Variants in RASA1 observed in about 807,000 individuals in gnomAD.
RASA1 encodes RAS p21 protein activator 1.
Under a neutral mutation model 132.2 loss-of-function variants are expected in RASA1, and 25 were observed. The ratio of observed to expected loss-of-function variants is 0.19; its 90% CI spans 0.14 to 0.26. The LOEUF (loss-of-function observed/expected upper bound fraction) is 0.26. Ranked by LOEUF, RASA1 falls within the 10% of genes least tolerant of loss-of-function variation. RASA1 has a pLI of 1.00. For missense variants in RASA1, 964 were observed against 1,299.2 expected (o/e 0.74, Z 3.97); for synonymous variants, 477 against 449.9 (o/e 1.06, Z -0.76).
intron 1 of RASA1, among the ~76,000 whole-genome samples, chr5:87,280,906 C>G (rs1039346654): frequency 6.6e-6 from 1 of 151,888 alleles, no homozygotes; most frequent in African/African-American, 2.4e-5. Context: ...CCGGCGCCTG[C>G]CACCACGCCT....
chr5:87,283,148 G>GT (rs200461511), intron 1 of RASA1, among the ~76,000 whole-genome samples: 17,304 of 103,182 alleles, frequency 0.17, 1,481 homozygotes, highest in East Asian at 0.44. Context: ...TTTTTTTTGT[G>GT]TTTTTTTTTT....
At chr5:87,285,805 G>A (rs575049199) in intron 1 of RASA1, among the ~76,000 whole-genome samples, 1 of 151,662 alleles carries the variant, frequency 6.6e-6, no homozygotes, top group Middle Eastern at 3.4e-3. Flanking sequence ...TTTTAATAGA[G>A]ATGGGATTTC....
intron 11 of RASA1, among the ~76,000 whole-genome samples, chr5:87,367,403 TAGA>T (rs1201633871): frequency 3.3e-5 from 5 of 152,228 alleles, no homozygotes; most frequent in African/African-American, 4.8e-5. Context: ...CTTTAGCATT[TAGA>T]AGAAGACTAA....
At chr5:87,275,595 G>A (rs908718700) in intron 1 of RASA1, among the ~76,000 whole-genome samples, 1 of 150,066 alleles carries the variant, frequency 6.7e-6, no homozygotes, top group Non-Finnish European at 1.5e-5. Context: ...TTTCCCCCCT[G>A]AGATGGAGTC....
At chr5:87,340,433 G>T (rs1319244954) in intron 5 of RASA1, among the ~76,000 whole-genome samples, 1 of 150,992 alleles carries the variant, frequency 6.6e-6, no homozygotes, top group Non-Finnish European at 1.5e-5. Flanking sequence ...TTTTTTTTAA[G>T]CCTACTCCCT....
chr5:87,360,802 G>A (rs1167820802), intron 9 of RASA1, among the ~76,000 whole-genome samples: 1 of 152,132 alleles, frequency 6.6e-6, no homozygotes, highest in Non-Finnish European at 1.5e-5. Context: ...CTGCCATCAT[G>A]ATAAGAGTCT....
chr5:87,272,959 C>G (rs1435513530), intron 1 of RASA1, among the ~76,000 whole-genome samples: 2 of 152,130 alleles, frequency 1.3e-5, no homozygotes, highest in East Asian at 3.9e-4. Context: ...GGACTAAATA[C>G]TGACTATGAG....
intron 1 of RASA1, among the ~76,000 whole-genome samples, chr5:87,313,300 T>C (rs1362713074): frequency 6.6e-6 from 1 of 152,164 alleles, no homozygotes; most frequent in Non-Finnish European, 1.5e-5. Context: ...CCTGGAGGTA[T>C]AGGTATTCCT....
intron 1 of RASA1, among the ~76,000 whole-genome samples, chr5:87,275,657 G>A (rs1036425500): frequency 4.6e-5 from 7 of 151,692 alleles, no homozygotes; most frequent in African/African-American, 1.5e-4. Context: ...TGCAACCTCC[G>A]CCTTCCGGGT....
rs1491365794 is a variant in RASA1 at position 87,338,533 on chromosome 5, A to ATATATAT, written c.1017+442_1017+443insTATATAT. Among the ~76,000 whole-genome samples the ATATATAT allele has an allele frequency of 7.9e-3, 724 of 91,108 alleles. 26 individuals are homozygous for ATATATAT. The highest frequency in any genetic ancestry group is 0.01 in the South Asian group (30 of 2,926). 59.8% of individuals were successfully genotyped at this position (91,108 alleles called of 152,430 possible). ...TATATATATATATATATATATATAT[A>ATATATAT]AAATTTTTTTTTTTTTTAAGTAGAA... is the stretch of plus-strand genomic sequence containing the variant. On this transcript the variant is annotated intron_variant, in intron 5 of 24. Transcript: ENST00000274376.
intron 1 of RASA1, among the ~76,000 whole-genome samples, chr5:87,289,230 A>G (rs143680650): frequency 0.011 from 1,627 of 152,294 alleles, 10 homozygotes; most frequent in Middle Eastern, 0.017. Context: ...TGGCAGAGAT[A>G]TGCCATAGGT....
chr5:87,374,797 T>C (rs1239574699), intron 14 of RASA1, 43 bp from the exon 15 acceptor site: 2 of 1,604,334 alleles, frequency 1.2e-6, no homozygotes, highest in East Asian at 2.3e-5. Context: ...GGTAGTTTGA[T>C]GCCAAAACAT....
At chr5:87,361,062 A>C (rs776394726) in intron 9 of RASA1, among the ~76,000 whole-genome samples, 8 of 152,128 alleles carry the variant, frequency 5.3e-5, no homozygotes, top group Non-Finnish European at 1.0e-4. Flanking sequence ...AGTAGAGATT[A>C]TTTATTTCAG....
intron 21 of RASA1, among the ~76,000 whole-genome samples, chr5:87,384,418 G>A (rs1473354178): frequency 6.6e-6 from 1 of 152,054 alleles, no homozygotes; most frequent in Non-Finnish European, 1.5e-5. Flanking sequence ...TAAACAGTAG[G>A]AACTGGAACC....
At chr5:87,344,308 TAAAC>T (rs1255862692) in intron 6 of RASA1, among the ~76,000 whole-genome samples, 1 of 151,966 alleles carries the variant, frequency 6.6e-6, no homozygotes, top group Non-Finnish European at 1.5e-5. Context: ...CCCATAAAAA[TAAAC>T]AAAATAGTTG....
chr5:87,276,440 C>G (rs1407430589), intron 1 of RASA1, among the ~76,000 whole-genome samples: 1 of 152,062 alleles, frequency 6.6e-6, no homozygotes, highest in African/African-American at 2.4e-5. Flanking sequence ...TGTCACATCT[C>G]TACAGGATTT....
chr5:87,291,236 G>C (rs1376928482), intron 1 of RASA1, among the ~76,000 whole-genome samples: 1 of 152,110 alleles, frequency 6.6e-6, no homozygotes, highest in Non-Finnish European at 1.5e-5. Context: ...GACTCCTCTA[G>C]ATCTGTAGTT....
chr5:87,287,261 C>CATAT (rs760501916), intron 1 of RASA1, among the ~76,000 whole-genome samples: 18 of 142,696 alleles, frequency 1.3e-4, no homozygotes, highest in East Asian at 8.3e-4. Flanking sequence ...ATATACACAC[C>CATAT]ATATACACCG....
At position 87,378,596 on chromosome 5, in the gene RASA1, A is replaced by G. The variant is rs147795316; in HGVS notation, c.2487+58A>G. 1.5e-5 allele frequency: 23 copies of G among 1,487,912 alleles called. No individual in the cohort carries two copies. The African/African-American group carries it at 3.1e-4, about 20-fold the overall frequency. 92.2% of individuals were successfully genotyped at this position (1,487,912 alleles called of 1,614,324 possible). On this transcript the variant is annotated intron_variant, in intron 18 of 24. Coordinates refer to ENST00000274376, the MANE Select transcript of RASA1 (RefSeq NM_002890.3). ...CAAAGAACATATTTTAATAGGTAAT[A>G]ATTTGTAGCCAATTACATTTTAAGG... is the stretch of plus-strand genomic sequence containing the variant.
Sources: allele counts gnomAD v4.1 joint callset (sites outside exome capture counted in the v4.1 genomes callset), GRCh38; gene constraint gnomAD v4.1.1; transcripts MANE v1.5; gene names NCBI Gene and HGNC (gene_info 2026-07-23, HGNC 2026-07-21).